HPSE2: variants seen among roughly 807,000 people sequenced by gnomAD.
HPSE2 encodes the protein heparanase 2 (inactive), also known as inactive heparanase-2.
A neutral mutation model predicts 60.5 loss-of-function variants in HPSE2; 38 were observed. That is an observed-to-expected ratio of 0.63 (90% CI 0.48 to 0.82). HPSE2 has a LOEUF of 0.82. HPSE2 is among the 40% of genes least tolerant of loss of function. The pLI is 0.00. For synonymous variants in HPSE2, 295 were observed against 293.2 expected (o/e 1.01, Z -0.06); for missense variants, 713 against 740.4 (o/e 0.96, Z 0.43).
intron 10 of HPSE2, among the ~76,000 whole-genome samples, chr10:98,487,517 A>C (rs1385310056): frequency 1.3e-5 from 2 of 152,224 alleles, no homozygotes; most frequent in East Asian, 3.8e-4. Flanking sequence ...TGTTATTTGC[A>C]TGTAGATGTG....
intron 6 of HPSE2, among the ~76,000 whole-genome samples, chr10:98,661,591 C>G (rs988939295): frequency 2.0e-5 from 3 of 152,102 alleles, no homozygotes; most frequent in Non-Finnish European, 2.9e-5. Flanking sequence ...CTTAACTTTC[C>G]TTTTTTCACC....
intron 3 of HPSE2, among the ~76,000 whole-genome samples, chr10:99,017,921 G>A (rs1302683974): frequency 2.0e-5 from 3 of 152,198 alleles, no homozygotes; most frequent in Non-Finnish European, 4.4e-5. Flanking sequence ...ATGGAAGGAA[G>A]CTTCTTGAAG....
chr10:98,523,352 CT>C (rs1942860764), intron 9 of HPSE2, among the ~76,000 whole-genome samples: 1 of 152,146 alleles, frequency 6.6e-6, no homozygotes, highest in African/African-American at 2.4e-5. Context: ...CTATGGGGTT[CT>C]ACAGACTTTG....
intron 8 of HPSE2, among the ~76,000 whole-genome samples, chr10:98,618,176 A>C (rs1945972337): frequency 6.6e-6 from 1 of 152,096 alleles, no homozygotes; most frequent in African/African-American, 2.4e-5. Flanking sequence ...GAGCAGAATA[A>C]ACTAGTTTTC....
rs1564681777 is a variant in HPSE2 at position 98,947,883 on chromosome 10, T to TCCCC, written c.610+196354_610+196355insGGGG. ...CTGAAGTCAGGAAGCACCTTTCCAG[T>TCCCC]AAGGGATGGCTTTTAAAGTTCTTTT... is the stretch of plus-strand genomic sequence containing the variant. On this transcript the variant is annotated intron_variant, in intron 3 of 11. Coordinates refer to ENST00000370552, the MANE Select transcript of HPSE2 (RefSeq NM_021828.5). 3.0e-3 allele frequency among the ~76,000 whole-genome samples: 456 copies of TCCCC among 152,230 alleles called. 1 individual carries two copies. The highest frequency in any genetic ancestry group is 0.011 in the African/African-American group (439 of 41,534).
intron 3 of HPSE2, among the ~76,000 whole-genome samples, chr10:98,832,035 G>A (rs1340403957): frequency 6.6e-6 from 1 of 152,178 alleles, no homozygotes; most frequent in Non-Finnish European, 1.5e-5. Flanking sequence ...CATCAATAAA[G>A]TGGTTGGAAG....
intron 3 of HPSE2, chr10:99,047,690 CT>C: frequency 3.7e-6 from 3 of 819,496 alleles, no homozygotes; most frequent in Non-Finnish European, 6.3e-6. Context: ...GCCAGAAACC[CT>C]TAGGAAAAAG....
At chr10:99,055,253 GT>G (rs1039042961) in intron 3 of HPSE2, among the ~76,000 whole-genome samples, 1 of 152,120 alleles carries the variant, frequency 6.6e-6, no homozygotes, top group Non-Finnish European at 1.5e-5. Flanking sequence ...GGAAAATGTA[GT>G]TTTAGTAAGT....
intron 9 of HPSE2, among the ~76,000 whole-genome samples, chr10:98,582,135 G>GA (rs971582670): frequency 2.6e-5 from 4 of 152,130 alleles, no homozygotes; most frequent in Admixed American, 6.6e-5. Context: ...TCTTAAAGAT[G>GA]AAAAAACAGA....
At chr10:99,067,995 G>A (rs1407111171) in intron 3 of HPSE2, among the ~76,000 whole-genome samples, 2 of 152,098 alleles carry the variant, frequency 1.3e-5, no homozygotes, top group Non-Finnish European at 2.9e-5. Context: ...AGATCTCTAA[G>A]GCAGGGGGAA....
chr10:98,897,827 G>A (rs1390032848), intron 3 of HPSE2, among the ~76,000 whole-genome samples: 1 of 151,672 alleles, frequency 6.6e-6, no homozygotes, highest in Admixed American at 6.6e-5. Flanking sequence ...ACCCATGAAA[G>A]AAAAAAAATT....
At chr10:99,012,453 T>G (rs1721537688) in intron 3 of HPSE2, among the ~76,000 whole-genome samples, 1 of 151,880 alleles carries the variant, frequency 6.6e-6, no homozygotes, top group African/African-American at 2.4e-5. Context: ...AACAAGCAGC[T>G]CAATGATTTG....
chr10:98,882,690 T>C (rs1281281857), intron 3 of HPSE2, among the ~76,000 whole-genome samples: 2 of 152,120 alleles, frequency 1.3e-5, no homozygotes, highest in African/African-American at 2.4e-5. Flanking sequence ...AAGTATGTTC[T>C]ACTCACAGTG....
intron 3 of HPSE2, among the ~76,000 whole-genome samples, chr10:98,888,412 T>A (rs759425155): frequency 6.6e-6 from 1 of 152,132 alleles, no homozygotes; most frequent in Non-Finnish European, 1.5e-5. Flanking sequence ...ATAATTATAA[T>A]TGACTATCCT....
chr10:99,163,210 CA>C (rs35632219), intron 2 of HPSE2, among the ~76,000 whole-genome samples: 117,865 of 143,844 alleles, frequency 0.82, 48,722 homozygotes, highest in South Asian at 0.96. Flanking sequence ...GACTCCATCT[CA>C]AAAAAAAAAA....
At chr10:99,275,286 G>A in the HPSE2 span, among the ~76,000 whole-genome samples, 1 of 152,144 alleles carries the variant, frequency 6.6e-6, no homozygotes, top group African/African-American at 2.4e-5. Context: ...ACCGTTTACA[G>A]TTAACCCTTT....
At chr10:98,645,502 T>C (rs578035056) in intron 6 of HPSE2, among the ~76,000 whole-genome samples, 25 of 152,360 alleles carry the variant, frequency 1.6e-4, no homozygotes, top group Admixed American at 1.6e-3. Context: ...GATCACAGCA[T>C]CTTTTTAATA....
intron 2 of HPSE2, among the ~76,000 whole-genome samples, chr10:99,172,835 G>A (rs944847544): frequency 6.6e-6 from 1 of 152,022 alleles, no homozygotes. Context: ...CCAAGATTGC[G>A]CCACTGCACT....
chr10:99,280,855 T>A, the HPSE2 span, among the ~76,000 whole-genome samples: 4 of 152,294 alleles, frequency 2.6e-5, no homozygotes, highest in South Asian at 8.3e-4. Context: ...AGCTACTTTT[T>A]TTATTCACTC....
Sources: gnomAD v4.1 joint callset for allele counts (sites outside exome capture counted in the v4.1 genomes callset) on GRCh38, gnomAD v4.1.1 for gene constraint, MANE v1.5 for transcripts, NCBI Gene and HGNC (gene_info 2026-07-23, HGNC 2026-07-21) for gene names.